EXOC4: variants seen among roughly 807,000 people sequenced by gnomAD.
EXOC4 encodes SEC8-like 1.
Under a neutral mutation model 107.2 loss-of-function variants are expected in EXOC4, and 71 were observed. The ratio of observed to expected loss-of-function variants is 0.66; its 90% CI spans 0.55 to 0.81. EXOC4 has a LOEUF of 0.81. Ranked by LOEUF, EXOC4 falls within the 30% of genes least tolerant of loss-of-function variation. The pLI, the probability that EXOC4 is intolerant of heterozygous loss-of-function variation, is 0.00. For synonymous variants in EXOC4, 456 were observed against 441.2 expected, an observed-to-expected ratio of 1.03 and a Z score of -0.42; for missense variants, 1,108 against 1,189.6, an observed-to-expected ratio of 0.93 and a Z score of 1.01.
chr7:133,847,373 A>G (rs1563024868), intron 11 of EXOC4, among the ~76,000 whole-genome samples: 3 of 87,830 alleles, frequency 3.4e-5, no homozygotes. Flanking sequence ...CACTTCTTTT[A>G]TTTTTTTAAT....
intron 17 of EXOC4, among the ~76,000 whole-genome samples, chr7:134,019,150 G>A (rs924679760): frequency 7.2e-5 from 11 of 152,022 alleles, no homozygotes; most frequent in African/African-American, 1.2e-4. Context: ...GGATGGTCTC[G>A]ATCTCCTGAC....
chr7:134,017,479 G>T (rs1232752639), intron 17 of EXOC4, among the ~76,000 whole-genome samples: 1 of 152,010 alleles, frequency 6.6e-6, no homozygotes, highest in Non-Finnish European at 1.5e-5. Context: ...TGATCTGATG[G>T]ACTTTTTAAA....
chr7:133,326,971 A>G (rs1025640151), intron 5 of EXOC4, among the ~76,000 whole-genome samples: 2 of 152,322 alleles, frequency 1.3e-5, no homozygotes, highest in East Asian at 1.9e-4. Flanking sequence ...TGTGCTAGCA[A>G]TGAGTGAGGC....
chr7:133,310,905 G>A (rs1172655318), intron 4 of EXOC4, among the ~76,000 whole-genome samples: 1 of 152,056 alleles, frequency 6.6e-6, no homozygotes, highest in East Asian at 1.9e-4. Flanking sequence ...TCAGATGTTT[G>A]GTACCCAAGA....
chr7:133,967,117 G>A (rs1459414662), intron 14 of EXOC4, among the ~76,000 whole-genome samples: 1 of 152,150 alleles, frequency 6.6e-6, no homozygotes, highest in Non-Finnish European at 1.5e-5. Flanking sequence ...TCACATAGAG[G>A]TGTTTATAGT....
chr7:133,383,964 A>G (rs765283379), intron 7 of EXOC4, among the ~76,000 whole-genome samples: 15 of 152,250 alleles, frequency 9.9e-5, no homozygotes, highest in Non-Finnish European at 2.1e-4. Context: ...AACAGAATAT[A>G]ATTAACATTT....
At chr7:133,904,057 G>A (rs997295020) in intron 12 of EXOC4, among the ~76,000 whole-genome samples, 2 of 152,132 alleles carry the variant, frequency 1.3e-5, no homozygotes, top group African/African-American at 4.8e-5. Context: ...GTAGAGGAAG[G>A]GTAAATAGAG....
intron 9 of EXOC4, among the ~76,000 whole-genome samples, chr7:133,611,500 G>A (rs921525679): frequency 1.3e-5 from 2 of 151,880 alleles, no homozygotes; most frequent in African/African-American, 2.4e-5. Flanking sequence ...ATTGTACTTC[G>A]GATAAAAAAT....
At chr7:133,376,659 G>C (rs1167665226) in intron 7 of EXOC4, among the ~76,000 whole-genome samples, 1 of 152,216 alleles carries the variant, frequency 6.6e-6, no homozygotes, top group Non-Finnish European at 1.5e-5. Context: ...ACTACTGTGG[G>C]ACTGTGAGCT....
At chr7:133,444,183 G>C (rs561953308) in intron 7 of EXOC4, among the ~76,000 whole-genome samples, 3 of 152,176 alleles carry the variant, frequency 2.0e-5, no homozygotes, top group Admixed American at 2.0e-4. Flanking sequence ...CTGACCAGAG[G>C]AATTTCAGTC....
In EXOC4 at chr7:134,023,070, C is replaced by A. The variant is rs551691427; in HGVS notation, c.2687+15235C>A. Among the ~76,000 whole-genome samples the A allele has an allele frequency of 2.6e-5, 4 of 152,300 alleles. No individual in the cohort carries two copies. The South Asian group carries it at 8.3e-4, about 32-fold the overall frequency. ...GAACCAAATATAAGAACAGTAAGAACTGGTTATCAGTAATTCCTCTGTATG... is the reference window on the plus strand; with the variant it reads ...GAACCAAATATAAGAACAGTAAGAAATGGTTATCAGTAATTCCTCTGTATG... On this transcript the variant is annotated intron_variant, in intron 17 of 17. Coordinates refer to ENST00000253861, the MANE Select transcript of EXOC4 (RefSeq NM_021807.4).
At chr7:134,021,341 A>C (rs983065209) in intron 17 of EXOC4, among the ~76,000 whole-genome samples, 1 of 152,208 alleles carries the variant, frequency 6.6e-6, no homozygotes, top group African/African-American at 2.4e-5. Flanking sequence ...TGCTTAAAGC[A>C]TTTGCTCACC....
intron 10 of EXOC4, among the ~76,000 whole-genome samples, chr7:133,794,072 AT>A (rs1266772502): frequency 6.6e-6 from 1 of 152,118 alleles, no homozygotes; most frequent in East Asian, 1.9e-4. Flanking sequence ...GTGAGAACTG[AT>A]TGAAGAGGTA....
chr7:133,680,797 G>C (rs1023571839), intron 10 of EXOC4, among the ~76,000 whole-genome samples: 3 of 152,128 alleles, frequency 2.0e-5, no homozygotes, highest in African/African-American at 7.2e-5. Flanking sequence ...AAAGAGAGTA[G>C]AGAAAGCCAT....
intron 17 of EXOC4, among the ~76,000 whole-genome samples, chr7:134,023,506 C>T (rs1795071606): frequency 6.6e-6 from 1 of 152,020 alleles, no homozygotes; most frequent in South Asian, 2.1e-4. Flanking sequence ...ATGTGATTTA[C>T]ACACATTGTC....
intron 10 of EXOC4, among the ~76,000 whole-genome samples, chr7:133,695,717 T>C (rs188333074): frequency 1.6e-4 from 25 of 152,348 alleles, no homozygotes; most frequent in African/African-American, 6.0e-4. Context: ...TGCAGTGATA[T>C]AGAGATAGCA....
chr7:133,814,373 T>C (rs1014780113), intron 10 of EXOC4, among the ~76,000 whole-genome samples: 5 of 152,188 alleles, frequency 3.3e-5, no homozygotes, highest in Admixed American at 3.3e-4. Context: ...TAGAGGGAGC[T>C]GTACAGTATT....
At chr7:133,684,876 G>A (rs527884618) in intron 10 of EXOC4, among the ~76,000 whole-genome samples, 19 of 152,072 alleles carry the variant, frequency 1.2e-4, no homozygotes, top group Non-Finnish European at 2.4e-4. Flanking sequence ...GTACAAGAGG[G>A]GATGGAGAAT....
intron 17 of EXOC4, among the ~76,000 whole-genome samples, chr7:134,032,910 A>G (rs1795300191): frequency 6.6e-6 from 1 of 152,156 alleles, no homozygotes; most frequent in African/African-American, 2.4e-5. Flanking sequence ...ATTAGCTATA[A>G]TATTTTTAAC....
Sources: gnomAD v4.1 joint callset for allele counts (sites outside exome capture counted in the v4.1 genomes callset) on GRCh38, gnomAD v4.1.1 for gene constraint, MANE v1.5 for transcripts, NCBI Gene and HGNC (gene_info 2026-07-23, HGNC 2026-07-21) for gene names.